Variants in LRRC7 observed in about 807,000 individuals in gnomAD.
LRRC7 encodes leucine-rich repeat-containing protein 7.
A neutral mutation model predicts 175.7 loss-of-function variants in LRRC7; 23 were observed. The observed-to-expected ratio is 0.13, with a 90% CI of 0.09 to 0.19. The LOEUF (loss-of-function observed/expected upper bound fraction) is 0.19, where lower values mean the gene tolerates loss of function less well. Ranked by LOEUF, LRRC7 falls within the 10% of genes least tolerant of loss-of-function variation. The pLI is 1.00. For synonymous variants in LRRC7, 685 were observed against 680.9 expected (o/e 1.01, Z -0.09); for missense variants, 1,354 against 1,904.7 (o/e 0.71, Z 5.38).
chr1:70,066,171 T>C (rs1661958876), intron 23 of LRRC7, among the ~76,000 whole-genome samples: 1 of 151,978 alleles, frequency 6.6e-6, no homozygotes, highest in African/African-American at 2.4e-5. Flanking sequence ...CTCATTGCCA[T>C]TAGAGTGCTA....
intron 1 of LRRC7, among the ~76,000 whole-genome samples, chr1:69,606,062 G>A (rs1219700152): frequency 6.6e-6 from 1 of 152,116 alleles, no homozygotes; most frequent in Non-Finnish European, 1.5e-5. Flanking sequence ...GTGCGTATAT[G>A]TTTATACATG....
At chr1:69,806,162 G>A (rs546215441) in intron 4 of LRRC7, among the ~76,000 whole-genome samples, 10 of 151,978 alleles carry the variant, frequency 6.6e-5, no homozygotes, top group African/African-American at 1.4e-4. Flanking sequence ...AGCCCCTATC[G>A]ATGTCCAGGC....
intron 7 of LRRC7, among the ~76,000 whole-genome samples, chr1:69,907,983 G>C (rs965803521): frequency 1.3e-5 from 2 of 152,148 alleles, no homozygotes; most frequent in Non-Finnish European, 2.9e-5. Flanking sequence ...TCCTGGTTTA[G>C]TCTTGGGAGG....
chr1:69,592,864 C>T (rs1646693680), intron 1 of LRRC7, among the ~76,000 whole-genome samples: 1 of 151,972 alleles, frequency 6.6e-6, no homozygotes, highest in Non-Finnish European at 1.5e-5. Context: ...TAATTTTCCC[C>T]AGGTCTTAAA....
intron 11 of LRRC7, among the ~76,000 whole-genome samples, chr1:70,005,172 A>C (rs2101937337): frequency 6.6e-6 from 1 of 152,276 alleles, no homozygotes; most frequent in African/African-American, 2.4e-5. Context: ...TTTATCGGTG[A>C]GAAAACAGGG....
At position 69,838,245 on chromosome 1, in the gene LRRC7, C is replaced by A. The variant is rs764781045; in HGVS notation, c.609C>A (p.Ile203=). ...TCTGTAGACTTGTCAAATTGCGGAT[C>A]TTGGAGTTAAGAGAAAATCACTTGA... ...ANFGRLVKLR[I]LELRENHLKT... is the part of the protein sequence containing the mutation. The change falls in exon 7 of 27, where the codon ATC becomes ATA. Residue 203 remains isoleucine (I), a synonymous_variant. Transcript: ENST00000651989. 1.2e-6 allele frequency: 2 copies of A among 1,608,906 alleles called. No individual in the cohort carries two copies. Among genetic ancestry groups the A allele is most frequent in the Admixed American group, 1.7e-5 (1 of 59,676 alleles).
At chr1:69,585,294 A>G (rs1395031390) in intron 1 of LRRC7, among the ~76,000 whole-genome samples, 1 of 152,160 alleles carries the variant, frequency 6.6e-6, no homozygotes, top group Non-Finnish European at 1.5e-5. Context: ...TGATTTTTTA[A>G]CAAAAGAATG....
chr1:69,619,785 G>A (rs913199039), intron 1 of LRRC7, among the ~76,000 whole-genome samples: 2 of 152,150 alleles, frequency 1.3e-5, no homozygotes, highest in Admixed American at 6.6e-5. Context: ...GATTGGTGGT[G>A]AGATTGATAC....
At chr1:70,044,221 A>T in intron 22 of LRRC7, 127 bp downstream of exon 22, 1 of 859,918 alleles carries the variant, frequency 1.2e-6, no homozygotes, top group Non-Finnish European at 1.7e-6. Flanking sequence ...AAAAAGCACA[A>T]GGGCAAGTAA....
At chr1:69,696,430 G>A (rs1439969944) in intron 2 of LRRC7, among the ~76,000 whole-genome samples, 6 of 152,112 alleles carry the variant, frequency 3.9e-5, no homozygotes, top group African/African-American at 1.4e-4. Context: ...GCTCATAGGA[G>A]TCTCAGATGG....
intron 23 of LRRC7, among the ~76,000 whole-genome samples, chr1:70,061,773 A>G (rs1184935075): frequency 3.9e-5 from 6 of 152,208 alleles, no homozygotes; most frequent in Admixed American, 1.3e-4. Context: ...AATTACCTCT[A>G]GATCTACGGA....
intron 7 of LRRC7, among the ~76,000 whole-genome samples, chr1:69,872,840 CCT>C (rs1337034069): frequency 6.6e-6 from 1 of 152,054 alleles, no homozygotes; most frequent in Non-Finnish European, 1.5e-5. Context: ...TTTACATATA[CCT>C]CTCTCATTGG....
intron 2 of LRRC7, among the ~76,000 whole-genome samples, chr1:69,758,633 A>C (rs1053499218): frequency 2.0e-5 from 3 of 151,986 alleles, no homozygotes; most frequent in African/African-American, 7.2e-5. Flanking sequence ...CCCAACAGGT[A>C]GTTTTTTGAA....
chr1:69,955,711 T>A (rs1650418992), intron 8 of LRRC7, among the ~76,000 whole-genome samples: 1 of 152,006 alleles, frequency 6.6e-6, no homozygotes, highest in African/African-American at 2.4e-5. Context: ...ATCTGTAATA[T>A]AAACGAAAAA....
At chr1:69,589,118 GTGTGTGTGT>G (rs1646525399) in intron 1 of LRRC7, among the ~76,000 whole-genome samples, 2 of 14,114 alleles carry the variant, frequency 1.4e-4, no homozygotes, top group African/African-American at 1.4e-3. Flanking sequence ...TAAAAAGGGT[GTGTGTGTGT>G]GTGTGTGTGT....
At chr1:69,585,312 G>A (rs761391302) in intron 1 of LRRC7, among the ~76,000 whole-genome samples, 3 of 152,086 alleles carry the variant, frequency 2.0e-5, no homozygotes, top group Non-Finnish European at 4.4e-5. Flanking sequence ...ATGAAAATAT[G>A]TAATCATTAA....
In LRRC7 at chr1:69,678,474, G is replaced by A. The variant is rs1359378256; in HGVS notation, c.96G>A (p.Glu32=). 6.3e-7 allele frequency: 1 copy of A among 1,599,354 alleles called. No individual in the cohort carries two copies. The highest frequency in any genetic ancestry group is 8.5e-7 in the Non-Finnish European group (1 of 1,172,748). The change falls in exon 2 of 27, where the codon GAG becomes GAA. Residue 32 remains glutamate, a synonymous_variant. Transcript: ENST00000651989. ...VRAALRKRPE[E]ELQCLEMTTK... is the part of the protein sequence containing the mutation. The stretch of plus-strand genomic sequence containing the variant: ...CAGCACTTCGGAAGAGGCCTGAAGA[G>A]GAGTGTAAGTATGTTTAATAGGATT...
chr1:69,861,407 T>G (rs2101534297), intron 7 of LRRC7, among the ~76,000 whole-genome samples: 1 of 152,306 alleles, frequency 6.6e-6, no homozygotes, highest in African/African-American at 2.4e-5. Flanking sequence ...AAGGAGAATG[T>G]TAGTGAAAAA....
chr1:69,710,235 C>A lies in LRRC7; in HGVS notation c.100+31757C>A, dbSNP rs184866318. 6.9e-3 allele frequency among the ~76,000 whole-genome samples: 1,014 copies of A among 146,788 alleles called. 17 individuals carry two copies. Among genetic ancestry groups the A allele is most frequent in the African/African-American group, 0.024 (952 of 39,530 alleles). On this transcript the variant is annotated intron_variant, in intron 2 of 26. Transcript: ENST00000651989. ...CGGAGGTTGCAGTGAGCCAAGATCA[C>A]GCCACTGCTCCCCAGCCTGGGCGAC...
Sources: allele counts gnomAD v4.1 joint callset (sites outside exome capture counted in the v4.1 genomes callset), GRCh38; gene constraint gnomAD v4.1.1; transcripts MANE v1.5; gene names NCBI Gene and HGNC (gene_info 2026-07-23, HGNC 2026-07-21).